The following JAM3 variants were observed in gnomAD, a reference collection of about 807,000 sequenced individuals.
JAM3 encodes junctional adhesion molecule 3.
In JAM3, 31 loss-of-function variants were observed where a neutral mutation model predicts 39.4. The observed-to-expected ratio is 0.79, with a 90% CI of 0.59 to 1.06. JAM3 has a LOEUF of 1.06. Among genes scored for constraint, JAM3 ranks in the 50% least tolerant of loss-of-function variants. The pLI, the probability that JAM3 is intolerant of heterozygous loss-of-function variation, is 0.00. For synonymous variants in JAM3, 182 were observed against 148.7 expected (o/e 1.22, Z -1.63); for missense variants, 455 against 391.4 (o/e 1.16, Z -1.37).
intron 1 of JAM3, among the ~76,000 whole-genome samples, chr11:134,077,220 C>T (rs988774148): frequency 3.9e-5 from 6 of 151,954 alleles, no homozygotes; most frequent in Non-Finnish European, 5.9e-5. Flanking sequence ...TGATGATGAG[C>T]GATGTTGAGC....
intron 1 of JAM3, among the ~76,000 whole-genome samples, chr11:134,087,033 G>A (rs935294764): frequency 6.6e-6 from 1 of 152,050 alleles, no homozygotes; most frequent in Admixed American, 6.6e-5. Flanking sequence ...TCAAACCCAT[G>A]GGCTCAAGCG....
At chr11:134,081,277 G>C (rs1208472580) in intron 1 of JAM3, among the ~76,000 whole-genome samples, 2 of 152,174 alleles carry the variant, frequency 1.3e-5, no homozygotes, top group Non-Finnish European at 2.9e-5. Flanking sequence ...AAGTAACAAG[G>C]AGCCAAATGT....
rs969666108 is a variant in JAM3 at position 134,150,638 on chromosome 11, C to G, written c.*1457C>G. 2 of 150,748 alleles carry G rather than the reference C, an allele frequency of 1.3e-5. No individual in the cohort carries two copies. Among genetic ancestry groups the G allele is most frequent in the Non-Finnish European group, 2.9e-5 (2 of 67,892 alleles). The allele number at this position is 150,748 out of a possible 1,614,324, so 9.3% of individuals were successfully genotyped here. On this transcript the variant is annotated 3_prime_UTR_variant, in exon 9 of 9. Coordinates refer to ENST00000299106, the MANE Select transcript of JAM3 (RefSeq NM_032801.5). ...GGCTCACAAAATAGGGCCCCCAATG[C>G]TATTTTTTTTTTTTAAGTTTGTTTA...
intron 5 of JAM3, among the ~76,000 whole-genome samples, 193 bp from the exon 6 acceptor site, chr11:134,145,753 G>C (rs554771183): frequency 6.6e-6 from 1 of 152,336 alleles, no homozygotes; most frequent in East Asian, 1.9e-4. Context: ...GGTGTCTCCA[G>C]TCCCAAGGGG....
Position 134,140,787 on chromosome 11 carries a change from C to G in JAM3, c.256+17C>G. ...AAATTCAGGGTATGATCCTGTAGTC[C>G]TCTTGCCTGCTGACCTTTCCTCTGT... On this transcript the variant is annotated intron_variant, in intron 3 of 8. Coordinates refer to ENST00000299106, the MANE Select transcript of JAM3 (RefSeq NM_032801.5). 1 of 1,602,842 alleles carries G rather than the reference C, an allele frequency of 6.2e-7. No individual in the cohort carries two copies. Among genetic ancestry groups the G allele is most frequent in the Non-Finnish European group, 8.5e-7 (1 of 1,174,122 alleles).
At chr11:134,084,046 A>G (rs144927396) in intron 1 of JAM3, among the ~76,000 whole-genome samples, 14 of 152,238 alleles carry the variant, frequency 9.2e-5, no homozygotes, top group African/African-American at 2.9e-4. Context: ...ACTTTAATTC[A>G]TTTTTCTACT....
At chr11:134,072,157 G>A (rs979138121) in intron 1 of JAM3, among the ~76,000 whole-genome samples, 2 of 152,132 alleles carry the variant, frequency 1.3e-5, no homozygotes, top group East Asian at 1.9e-4. Flanking sequence ...TAGTACATTC[G>A]ACTAGCAGCT....
intron 1 of JAM3, among the ~76,000 whole-genome samples, chr11:134,121,854 CT>C (rs1235465493): frequency 6.6e-6 from 1 of 151,988 alleles, no homozygotes; most frequent in African/African-American, 2.4e-5. Flanking sequence ...CACACACACC[CT>C]CCTCCCAAAC....
chr11:134,098,171 C>A (rs899266901), intron 1 of JAM3, among the ~76,000 whole-genome samples: 1 of 152,138 alleles, frequency 6.6e-6, no homozygotes. Flanking sequence ...GGAAGAAGAG[C>A]TAGCCATTCC....
At chr11:134,108,792 A>C (rs948051019) in intron 1 of JAM3, among the ~76,000 whole-genome samples, 26 of 152,246 alleles carry the variant, frequency 1.7e-4, no homozygotes, top group Non-Finnish European at 3.2e-4. Flanking sequence ...TTCCTGAGAC[A>C]GACAACAGCA....
At chr11:134,090,258 C>G (rs1298732232) in intron 1 of JAM3, among the ~76,000 whole-genome samples, 2 of 152,194 alleles carry the variant, frequency 1.3e-5, no homozygotes, top group African/African-American at 4.8e-5. Context: ...TGTAGGTTGC[C>G]TGTTCACTGT....
In JAM3 at chr11:134,135,617, A is replaced by G. The variant is rs140030052; in HGVS notation, c.77-4234A>G. On this transcript the variant is annotated intron_variant, in intron 1 of 8. Coordinates refer to ENST00000299106, the MANE Select transcript of JAM3 (RefSeq NM_032801.5). ...CAGTGGCCTGATCTCAGCTCACTGT[A>G]ACCCCCACCTCCTGGGTTCAAGTGA... 8.0e-3 allele frequency among the ~76,000 whole-genome samples: 1,214 copies of G among 151,360 alleles called. 14 individuals carry two copies. The highest frequency in any genetic ancestry group is 0.029 in the African/African-American group (1,175 of 41,130).
At chr11:134,101,836 G>T (rs470388) in intron 1 of JAM3, among the ~76,000 whole-genome samples, 17,539 of 152,086 alleles carry the variant, frequency 0.12, 1,278 homozygotes, top group East Asian at 0.3. Flanking sequence ...GGGGGCTGAG[G>T]TGAGAGGATT....
intron 1 of JAM3, among the ~76,000 whole-genome samples, chr11:134,117,004 C>T (rs1367571364): frequency 6.6e-6 from 1 of 151,872 alleles, no homozygotes; most frequent in Non-Finnish European, 1.5e-5. Context: ...CACACCATTT[C>T]TACTCAACAC....
At chr11:134,113,869 T>C (rs1043183538) in intron 1 of JAM3, among the ~76,000 whole-genome samples, 8 of 152,230 alleles carry the variant, frequency 5.3e-5, no homozygotes, top group African/African-American at 1.9e-4. Flanking sequence ...TTCCTGACTT[T>C]TTAATGATCG....
At chr11:134,147,344 CTT>C (rs1943092374) in intron 6 of JAM3, among the ~76,000 whole-genome samples, 2 of 149,058 alleles carry the variant, frequency 1.3e-5, no homozygotes, top group South Asian at 2.3e-4. Context: ...GTCCCAGTAA[CTT>C]GGGAGGCTGA....
intron 1 of JAM3, among the ~76,000 whole-genome samples, chr11:134,090,696 C>T (rs867089335): frequency 8.6e-5 from 13 of 152,030 alleles, no homozygotes; most frequent in Non-Finnish European, 1.8e-4. Flanking sequence ...AATCTTTTCT[C>T]GGACAGCCAT....
chr11:134,148,181 T>C, intron 6 of JAM3: 1 of 272,078 alleles, frequency 3.7e-6, no homozygotes, highest in Non-Finnish European at 7.0e-6. Flanking sequence ...TTAGGGATTC[T>C]TTTCTTCTTG....
chr11:134,148,816 G>A lies in JAM3; in HGVS notation c.895G>A (p.Glu299Lys). 5 of 1,614,068 alleles carry A rather than the reference G, an allele frequency of 3.1e-6. No individual in the cohort carries two copies. The highest frequency in any genetic ancestry group is 1.3e-5 in the African/African-American group (1 of 75,024). ...AGTTAACTACATCCGCACTGACGAG[G>A]AGGTAATCATTTAGTAAACCTGGAA... is the stretch of plus-strand genomic sequence containing the variant. The part of the protein sequence containing the change: ...DGVNYIRTDE[E>K]GDFRHKSSFV... The change falls in exon 8 of 9, where the codon GAG (glutamate) becomes AAG (lysine). Residue 299 changes from glutamate to lysine, a missense_variant and splice_region_variant. Glu to Lys is a moderately conservative substitution (Grantham distance 56). Coordinates refer to ENST00000299106, the MANE Select transcript of JAM3 (RefSeq NM_032801.5).
Sources: allele counts gnomAD v4.1 joint callset (sites outside exome capture counted in the v4.1 genomes callset), GRCh38; gene constraint gnomAD v4.1.1; transcripts MANE v1.5; gene names NCBI Gene and HGNC (gene_info 2026-07-23, HGNC 2026-07-21).